LSM8: variants seen among roughly 807,000 people sequenced by gnomAD.
LSM8 encodes the protein LSM8 homolog, U6 small nuclear RNA associated.
LSM8 carries 14 observed loss-of-function variants against 15.0 expected under a neutral mutation model. The observed-to-expected ratio is 0.93, with a 90% confidence interval of 0.62 to 1.46. The LOEUF (loss-of-function observed/expected upper bound fraction) is 1.46. Ranked by LOEUF, LSM8 falls within the 40% of genes most tolerant of loss-of-function variation. The pLI is 0.00. For synonymous variants in LSM8, 50 were observed against 42.1 expected (o/e 1.19, Z -0.73); for missense variants, 90 against 115.4 (o/e 0.78, Z 1.01).
intron 2 of LSM8, among the ~76,000 whole-genome samples, chr7:118,186,363 A>G (rs1808890467): frequency 6.6e-6 from 1 of 152,196 alleles, no homozygotes; most frequent in South Asian, 2.1e-4. Context: ...AATGCTTTCA[A>G]AAGAATTTTA....
At position 118,202,841 on chromosome 7, in the gene LSM8, T is replaced by C. The variant is rs973499864; in HGVS notation, c.*10839T>C. Reference sequence around the variant, plus strand: ...TCTATGCCCAAACAGAATTCTTTTTTATCTCTGATATAAAATGCAGAATAT... The same window carrying C: ...TCTATGCCCAAACAGAATTCTTTTTCATCTCTGATATAAAATGCAGAATAT... On this transcript the variant is annotated 3_prime_UTR_variant, in exon 4 of 4. Coordinates refer to ENST00000249299, the MANE Select transcript of LSM8 (RefSeq NM_016200.5). 6.6e-6 allele frequency among the ~76,000 whole-genome samples: 1 copy of C among 152,016 alleles called. No individual in the cohort carries two copies. Among genetic ancestry groups the C allele is most frequent in the Non-Finnish European group, 1.5e-5 (1 of 67,934 alleles).
In LSM8 at chr7:118,184,176, C is replaced by A. The variant is rs767045540; in HGVS notation, c.-48C>A. On this transcript the variant is annotated 5_prime_UTR_variant, in exon 1 of 4. Coordinates refer to ENST00000249299, the MANE Select transcript of LSM8 (RefSeq NM_016200.5). ...GTTCTGGCGCGCCCTTTCAGTTCTG[C>A]TTGCTGTCGGCACCGCTGCGTTACC... The A allele has an allele frequency of 3.9e-6, 6 of 1,544,360 alleles. No individual in the cohort carries two copies. The highest frequency in any genetic ancestry group is 5.2e-6 in the Non-Finnish European group (6 of 1,143,874).
Position 118,197,260 on chromosome 7 carries a change from G to T in LSM8, c.*5258G>T, listed in dbSNP as rs1304309585. Among the ~76,000 whole-genome samples, 1 of 148,766 alleles carries T rather than the reference G, an allele frequency of 6.7e-6. No homozygotes were observed. Among genetic ancestry groups the T allele is most frequent in the African/African-American group, 2.5e-5 (1 of 40,220 alleles). ...CATATAATTAGTATGGTACCAAATTGTTATTACATTTGAAATACGTTAAAA... is the reference window on the plus strand; with the variant it reads ...CATATAATTAGTATGGTACCAAATTTTTATTACATTTGAAATACGTTAAAA... On this transcript the variant is annotated 3_prime_UTR_variant, in exon 4 of 4. Transcript: ENST00000249299.
At position 118,194,414 on chromosome 7, in the gene LSM8, A is replaced by G. The variant is rs1809041919; in HGVS notation, c.*2412A>G. Among the ~76,000 whole-genome samples the G allele has an allele frequency of 6.6e-6, 1 of 152,020 alleles. No homozygotes were observed. The highest frequency in any genetic ancestry group is 1.5e-5 in the Non-Finnish European group (1 of 67,968). ...CTATCTAAACTAATAGTTTAAAATA[A>G]CATTGCTTTTATGTCAAAGCACTTT... On this transcript the variant is annotated 3_prime_UTR_variant, in exon 4 of 4. Transcript: ENST00000249299.
rs1344360436 is a variant in LSM8 at position 118,192,563 on chromosome 7, T to C, written c.*561T>C. On this transcript the variant is annotated 3_prime_UTR_variant, in exon 4 of 4. Transcript: ENST00000249299. ...AGCAAAAATGCTAACAAGGTTTTGA[T>C]AGATTGGCCCAAAATTCTAACTTGA... is the stretch of plus-strand genomic sequence containing the variant. 3.3e-5 allele frequency: 5 copies of C among 152,150 alleles called. No individual in the cohort carries two copies. Among genetic ancestry groups the C allele is most frequent in the Middle Eastern group, 6.3e-3 (2 of 316 alleles). 9.4% of individuals were successfully genotyped at this position (152,150 alleles called of 1,614,324 possible). A position where few individuals can be genotyped will look rare whatever the true frequency, so the allele number is the denominator to read the frequency against.
rs779186096 is a variant in LSM8 at position 118,199,371 on chromosome 7, C to T, written c.*7369C>T. ...ATTTTAGGGGATTAAAAATCTAAGACGTTTAAGGGAACATGAATTTGGATG... is the reference window on the plus strand; with the variant it reads ...ATTTTAGGGGATTAAAAATCTAAGATGTTTAAGGGAACATGAATTTGGATG... On this transcript the variant is annotated 3_prime_UTR_variant, in exon 4 of 4. Coordinates refer to ENST00000249299, the MANE Select transcript of LSM8 (RefSeq NM_016200.5). 4.6e-5 allele frequency among the ~76,000 whole-genome samples: 7 copies of T among 152,068 alleles called. No individual in the cohort carries two copies. Among genetic ancestry groups the T allele is most frequent in the Admixed American group, 3.3e-4 (5 of 15,252 alleles).
chr7:118,187,963 T>C (rs1280724661), intron 2 of LSM8, among the ~76,000 whole-genome samples: 1 of 152,210 alleles, frequency 6.6e-6, no homozygotes, highest in African/African-American at 2.4e-5. Context: ...GTTTATACCT[T>C]TAGCTGCTGG....
chr7:118,200,086 G>A lies in LSM8; in HGVS notation c.*8084G>A, dbSNP rs1261264884. Reference sequence around the variant, plus strand: ...CCTTCCCTAAGTGCCAACAGAGAATGAAAATATAGTCAATAGCTTTAAGTG... The same window carrying A: ...CCTTCCCTAAGTGCCAACAGAGAATAAAAATATAGTCAATAGCTTTAAGTG... On this transcript the variant is annotated 3_prime_UTR_variant, in exon 4 of 4. Transcript: ENST00000249299. 6.6e-6 allele frequency among the ~76,000 whole-genome samples: 1 copy of A among 152,134 alleles called. No individual in the cohort carries two copies. The highest frequency in any genetic ancestry group is 1.5e-5 in the Non-Finnish European group (1 of 68,010).
rs1463611873 is a variant in LSM8 at position 118,192,624 on chromosome 7, AGAT to A, written c.*626_*628del. 5 of 152,168 alleles carry A rather than the reference AGAT, an allele frequency of 3.3e-5. No homozygotes were observed. Among genetic ancestry groups the A allele is most frequent in the African/African-American group, 9.6e-5 (4 of 41,454 alleles). The allele number at this position is 152,168 out of a possible 1,614,324, so 9.4% of individuals were successfully genotyped here. On this transcript the variant is annotated 3_prime_UTR_variant, in exon 4 of 4. Coordinates refer to ENST00000249299, the MANE Select transcript of LSM8 (RefSeq NM_016200.5). ...TGACTAGGAATGGTAGAATTGACAG[AGAT>A]GATTAGTAAAGTCTCTTGATGCCCA...
Position 118,201,226 on chromosome 7 carries a change from A to G in LSM8, c.*9224A>G, listed in dbSNP as rs1465582513. ...TTTATATATCACAGAATTTTGAACT[A>G]AAGATCATCTAGCTGAATTTCCTTT... is the stretch of plus-strand genomic sequence containing the variant. On this transcript the variant is annotated 3_prime_UTR_variant, in exon 4 of 4. Transcript: ENST00000249299. Among the ~76,000 whole-genome samples, 2 of 152,132 alleles carry G rather than the reference A, an allele frequency of 1.3e-5. No individual in the cohort carries two copies. The highest frequency in any genetic ancestry group is 1.9e-4 in the East Asian group (1 of 5,200).
At chr7:118,190,796 T>G (rs1032869117) in intron 3 of LSM8, 1 of 152,142 alleles carries the variant, frequency 6.6e-6, no homozygotes, top group South Asian at 2.1e-4. Flanking sequence ...GCAAATCCCT[T>G]ATTACTAGTA....
At position 118,202,790 on chromosome 7, in the gene LSM8, T is replaced by C. The variant is rs1281219216; in HGVS notation, c.*10788T>C. Among the ~76,000 whole-genome samples the C allele has an allele frequency of 6.6e-6, 1 of 151,974 alleles. No homozygotes were observed. The highest frequency in any genetic ancestry group is 1.5e-5 in the Non-Finnish European group (1 of 67,918). ...GCCATTGTGCTAGTATAGAAGCAAG[T>C]ATCTCAGAGGCAGGTGAAAACAACT... is the stretch of plus-strand genomic sequence containing the variant. On this transcript the variant is annotated 3_prime_UTR_variant, in exon 4 of 4. Transcript: ENST00000249299.
rs1365294262 is a variant in LSM8, at chr7:118,196,886, C to T, written c.*4884C>T. Among the ~76,000 whole-genome samples the T allele has an allele frequency of 6.6e-6, 1 of 151,816 alleles. No homozygotes were observed. The highest frequency in any genetic ancestry group is 1.5e-5 in the Non-Finnish European group (1 of 67,948). On this transcript the variant is annotated 3_prime_UTR_variant, in exon 4 of 4. Coordinates refer to ENST00000249299, the MANE Select transcript of LSM8 (RefSeq NM_016200.5). The stretch of plus-strand genomic sequence containing the variant: ...CTGGGACTACAGGCACGCGCCACCA[C>T]ACCTGGCTAATTTTTTTGTTTTAGT...
Position 118,193,248 on chromosome 7 carries a change from A to G in LSM8, c.*1246A>G, listed in dbSNP as rs1056651577. 2.0e-5 allele frequency among the ~76,000 whole-genome samples: 3 copies of G among 152,130 alleles called. No homozygotes were observed. Among genetic ancestry groups the G allele is most frequent in the African/African-American group, 7.2e-5 (3 of 41,460 alleles). ...AAATGAATAGTGGCTGTCTTCCAGTAAAACTTCATTTATAAAAATGGAGGT... is the reference window on the plus strand; with the variant it reads ...AAATGAATAGTGGCTGTCTTCCAGTGAAACTTCATTTATAAAAATGGAGGT... On this transcript the variant is annotated 3_prime_UTR_variant, in exon 4 of 4. Coordinates refer to ENST00000249299, the MANE Select transcript of LSM8 (RefSeq NM_016200.5).
Position 118,192,061 on chromosome 7 carries a change from G to T in LSM8, c.*59G>T. ...TTGTACAGAAACTGATTATTCTGAGGATGATATATGGAGTTTTTATGAGTG... is the reference window on the plus strand; with the variant it reads ...TTGTACAGAAACTGATTATTCTGAGTATGATATATGGAGTTTTTATGAGTG... On this transcript the variant is annotated 3_prime_UTR_variant, in exon 4 of 4. Transcript: ENST00000249299. 2.2e-6 allele frequency: 3 copies of T among 1,340,758 alleles called. No homozygotes were observed. The highest frequency in any genetic ancestry group is 2.1e-6 in the Non-Finnish European group (2 of 955,200). The allele number at this position is 1,340,758 out of a possible 1,614,324, so 83.1% of individuals were successfully genotyped here. A position where few individuals can be genotyped will look rare whatever the true frequency, so the allele number is the denominator to read the frequency against.
rs1426391303 is a variant in LSM8 at position 118,198,047 on chromosome 7, G to A, written c.*6045G>A. Among the ~76,000 whole-genome samples, 2 of 152,066 alleles carry A rather than the reference G, an allele frequency of 1.3e-5. No individual in the cohort carries two copies. Among genetic ancestry groups the A allele is most frequent in the East Asian group, 1.9e-4 (1 of 5,192 alleles). On this transcript the variant is annotated 3_prime_UTR_variant, in exon 4 of 4. Transcript: ENST00000249299. Reference sequence around the variant, plus strand: ...CATTCCCTGATAATTTTGGTGAAAAGAAAAACTATGAAAATTCTGGACAGG... The same window carrying A: ...CATTCCCTGATAATTTTGGTGAAAAAAAAAACTATGAAAATTCTGGACAGG...
rs1809177307 is a variant in LSM8 at position 118,201,797 on chromosome 7, C to T, written c.*9795C>T. Among the ~76,000 whole-genome samples the T allele has an allele frequency of 1.3e-5, 2 of 151,980 alleles. No individual in the cohort carries two copies. Among genetic ancestry groups the T allele is most frequent in the Admixed American group, 1.3e-4 (2 of 15,232 alleles). ...TTGTGGTAACACTTTAACTTTTTCC[C>T]TGTAAGGCCATCTTTTGTATGTTTC... On this transcript the variant is annotated 3_prime_UTR_variant, in exon 4 of 4. Coordinates refer to ENST00000249299, the MANE Select transcript of LSM8 (RefSeq NM_016200.5).
At position 118,198,998 on chromosome 7, in the gene LSM8, A is replaced by G. The variant is rs180846008; in HGVS notation, c.*6996A>G. Among the ~76,000 whole-genome samples the G allele has an allele frequency of 3.4e-4, 52 of 152,328 alleles. No homozygotes were observed. In the South Asian group the frequency reaches 0.01, roughly 30 times the overall value. On this transcript the variant is annotated 3_prime_UTR_variant, in exon 4 of 4. Coordinates refer to ENST00000249299, the MANE Select transcript of LSM8 (RefSeq NM_016200.5). ...CAAGGCTCAAGAGAGCTTATTAGCA[A>G]TACTTTGCATGTGTTGGTAAACACC...
Position 118,184,242 on chromosome 7 carries a change from A to G in LSM8, c.19A>G (p.Asn7Asp). 1 of 1,531,398 alleles carries G rather than the reference A, an allele frequency of 6.5e-7. No individual in the cohort carries two copies. Among genetic ancestry groups the G allele is most frequent in the South Asian group, 1.2e-5 (1 of 83,224 alleles). 94.9% of individuals were successfully genotyped at this position (1,531,398 alleles called of 1,614,324 possible). A position where few individuals can be genotyped will look rare whatever the true frequency, so the allele number is the denominator to read the frequency against. MTSALE[N>D]YINRTVAVIT... ...GAACAGCATGACGTCCGCTTTGGAG[A>G]ACTACATCAACCGTATCCTCAAGCT... The change falls in exon 1 of 4, where the codon AAC (asparagine) becomes GAC (aspartate). Residue 7 changes from asparagine to aspartate, a missense_variant. Asn to Asp is a conservative substitution (Grantham distance 23). Transcript: ENST00000249299.
Sources: allele counts gnomAD v4.1 joint callset (sites outside exome capture counted in the v4.1 genomes callset), GRCh38; gene constraint gnomAD v4.1.1; transcripts MANE v1.5; gene names NCBI Gene and HGNC (gene_info 2026-07-23, HGNC 2026-07-21).